The following RFC3 variants were observed in gnomAD, a reference collection of about 807,000 sequenced individuals.
RFC3 encodes the protein A1 38 kDa subunit.
A neutral mutation model predicts 45.1 loss-of-function variants in RFC3; 41 were observed. The ratio of observed to expected loss-of-function variants is 0.91; its 90% confidence interval spans 0.71 to 1.18. The LOEUF is 1.18. Ranked by LOEUF, RFC3 falls within the 50% of genes most tolerant of loss-of-function variation. The pLI is 0.00. For synonymous variants in RFC3, 149 were observed against 144.0 expected (o/e 1.03, Z -0.25); for missense variants, 423 against 428.1 (o/e 0.99, Z 0.10).
At chr13:33,918,771 A>G (rs912812365) in intron 8 of RFC3, among the ~76,000 whole-genome samples, 4 of 152,178 alleles carry the variant, frequency 2.6e-5, no homozygotes, top group Non-Finnish European at 5.9e-5. Context: ...ATGCTGACTC[A>G]GCCAAAGGCA....
chr13:33,918,202 A>T (rs1489236087), intron 8 of RFC3, among the ~76,000 whole-genome samples: 1 of 152,150 alleles, frequency 6.6e-6, no homozygotes, highest in East Asian at 1.9e-4. Context: ...CTTGCTCAAA[A>T]AAATAAATTT....
intron 8 of RFC3, among the ~76,000 whole-genome samples, chr13:33,955,934 C>T (rs184387788): frequency 1.0e-3 from 153 of 152,296 alleles, no homozygotes; most frequent in South Asian, 2.3e-3. Context: ...GGAGCCTAAT[C>T]TATAAAGTGT....
intron 8 of RFC3, among the ~76,000 whole-genome samples, chr13:33,925,134 A>G (rs553936203): frequency 4.7e-5 from 7 of 148,704 alleles, no homozygotes; most frequent in Admixed American, 2.7e-4. Flanking sequence ...ATATACATGC[A>G]TATATAGTGT....
At chr13:33,972,186 T>G in the RFC3 span, among the ~76,000 whole-genome samples, 2 of 152,262 alleles carry the variant, frequency 1.3e-5, no homozygotes, top group Non-Finnish European at 2.9e-5. Context: ...TCAATTTGTT[T>G]TATAAATTAT....
At chr13:33,864,600 G>A (rs1045248181) in intron 8 of RFC3, among the ~76,000 whole-genome samples, 2 of 152,082 alleles carry the variant, frequency 1.3e-5, no homozygotes, top group African/African-American at 4.8e-5. Flanking sequence ...GGAGGTCAGG[G>A]GTGACCTGGA....
At chr13:33,886,608 G>A (rs1010668673) in intron 8 of RFC3, among the ~76,000 whole-genome samples, 1 of 148,128 alleles carries the variant, frequency 6.8e-6, no homozygotes, top group Non-Finnish European at 1.5e-5. Flanking sequence ...CTGTTTTCTT[G>A]CATCTGAAAG....
At chr13:33,887,944 C>T (rs942415627) in intron 8 of RFC3, among the ~76,000 whole-genome samples, 6 of 152,150 alleles carry the variant, frequency 3.9e-5, no homozygotes, top group South Asian at 2.1e-4. Flanking sequence ...GTTGTAGATA[C>T]GCAGCATTAT....
At chr13:33,966,106 G>A in exon 9 of RFC3, 1 of 1,611,120 alleles carries the variant, frequency 6.2e-7, no homozygotes, top group Non-Finnish European at 8.5e-7. Flanking sequence ...GAGGAATCAA[G>A]AAGCTGTGAC....
At chr13:33,823,199 C>T (rs904440150) in intron 2 of RFC3, among the ~76,000 whole-genome samples, 2 of 152,036 alleles carry the variant, frequency 1.3e-5, no homozygotes, top group Non-Finnish European at 2.9e-5. Flanking sequence ...AATTGTTAAA[C>T]TGTTTTATGA....
chr13:33,902,347 G>A (rs2082646750), intron 8 of RFC3, among the ~76,000 whole-genome samples: 1 of 151,966 alleles, frequency 6.6e-6, no homozygotes, highest in African/African-American at 2.4e-5. Context: ...AGAAACATGG[G>A]GCTGTCTTTG....
At chr13:33,887,385 G>A (rs1307059490) in intron 8 of RFC3, among the ~76,000 whole-genome samples, 241 of 139,632 alleles carry the variant, frequency 1.7e-3, no homozygotes, top group African/African-American at 5.2e-3. Flanking sequence ...CTGATGGCCA[G>A]TGATGGTGAG....
intron 8 of RFC3, among the ~76,000 whole-genome samples, chr13:33,937,342 T>G: frequency 6.6e-6 from 1 of 152,214 alleles, no homozygotes; most frequent in East Asian, 1.9e-4. Context: ...AAGTACACTC[T>G]ACAATGTTTG....
chr13:33,852,833 G>T (rs998709781), intron 8 of RFC3, among the ~76,000 whole-genome samples: 1 of 152,182 alleles, frequency 6.6e-6, no homozygotes, highest in Non-Finnish European at 1.5e-5. Context: ...TGCAACCTAT[G>T]ACTTATGCAA....
At position 33,821,295 on chromosome 13, in the gene RFC3, A is replaced by G. The variant is rs200569361; in HGVS notation, c.225+26A>G. The G allele has an allele frequency of 3.9e-4, 634 of 1,610,432 alleles. 1 individual carries two copies. Among genetic ancestry groups the G allele is most frequent in the Middle Eastern group, 9.9e-4 (6 of 6,044 alleles). The stretch of plus-strand genomic sequence containing the variant: ...GTAAGCATTTCACTTTGAGGCCCTG[A>G]AAGTAATTTATAGCGGGGACTTTCA... On this transcript the variant is annotated intron_variant, in intron 2 of 8. Coordinates refer to ENST00000380071, the MANE Select transcript of RFC3 (RefSeq NM_002915.4).
intron 2 of RFC3, among the ~76,000 whole-genome samples, chr13:33,823,611 T>G (rs1004792643): frequency 6.6e-6 from 1 of 152,160 alleles, no homozygotes; most frequent in African/African-American, 2.4e-5. Flanking sequence ...TGGGAAAGAC[T>G]GAAAGGAACA....
intron 8 of RFC3, chr13:33,847,712 C>G (rs1212611679): frequency 6.6e-6 from 1 of 152,002 alleles, no homozygotes; most frequent in Non-Finnish European, 1.5e-5. Flanking sequence ...CCATTTTAAT[C>G]TGGTTTTCCT....
chr13:33,876,427 A>G (rs185178829), intron 8 of RFC3, among the ~76,000 whole-genome samples: 23 of 152,318 alleles, frequency 1.5e-4, no homozygotes, highest in Admixed American at 1.3e-3. Context: ...TCTGAATTTG[A>G]GTGGTTGTAT....
chr13:33,953,031 C>T (rs1267895936), intron 8 of RFC3, among the ~76,000 whole-genome samples: 2 of 151,996 alleles, frequency 1.3e-5, no homozygotes, highest in African/African-American at 4.8e-5. Context: ...GTAGAATAAA[C>T]ATGCATACAG....
At chr13:33,834,305 TATATATATATATA>T (rs1240040700) in intron 7 of RFC3, among the ~76,000 whole-genome samples, 2 of 112,656 alleles carry the variant, frequency 1.8e-5, no homozygotes, top group Non-Finnish European at 3.4e-5. Context: ...TGTGTATATA[TATATATATATATA>T]TATATATATA....
Sources: allele counts gnomAD v4.1 joint callset (sites outside exome capture counted in the v4.1 genomes callset), GRCh38; gene constraint gnomAD v4.1.1; transcripts MANE v1.5; gene names NCBI Gene and HGNC (gene_info 2026-07-23, HGNC 2026-07-21).